The following CDH10 variants were observed in gnomAD, a reference collection of about 807,000 sequenced individuals.
CDH10 encodes the protein cadherin 10.
CDH10 carries 30 observed loss-of-function variants against 73.1 expected under a neutral mutation model. The ratio of observed to expected loss-of-function variants is 0.41; its 90% CI spans 0.31 to 0.56. The LOEUF is 0.56. CDH10 is among the 20% of genes least tolerant of loss of function. The pLI is 0.27. For missense variants in CDH10, 815 were observed against 973.7 expected, an observed-to-expected ratio of 0.84 and a Z score of 2.17; for synonymous variants, 345 against 348.2, an observed-to-expected ratio of 0.99 and a Z score of 0.10.
intron 1 of CDH10, among the ~76,000 whole-genome samples, chr5:24,634,853 T>C (rs1302020176): frequency 6.6e-6 from 1 of 151,802 alleles, no homozygotes; most frequent in Non-Finnish European, 1.5e-5. Flanking sequence ...GATATAATCC[T>C]GGATTTTTAA....
chr5:24,501,569 T>G (rs537025936), intron 8 of CDH10, among the ~76,000 whole-genome samples: 43 of 152,326 alleles, frequency 2.8e-4, no homozygotes, highest in Middle Eastern at 3.4e-3. Flanking sequence ...ATAAAGGATC[T>G]TAAAATGTAT....
rs1001227038 is a variant in CDH10 at position 24,586,843 on chromosome 5, C to CTTTTTTTTTTTTTTTTTTTTTTT, written c.231+6416_231+6417insAAAAAAAAAAAAAAAAAAAAAAA. 1.1e-4 allele frequency among the ~76,000 whole-genome samples: 11 copies of CTTTTTTTTTTTTTTTTTTTTTTT among 102,756 alleles called. 1 individual carries two copies. The highest frequency in any genetic ancestry group is 3.4e-4 in the African/African-American group (8 of 23,780). 67.4% of individuals were successfully genotyped at this position (102,756 alleles called of 152,430 possible). A position where few individuals can be genotyped will look rare whatever the true frequency, so the allele number is the denominator to read the frequency against. Reference sequence around the variant, plus strand: ...GTAAAACAATAAGATAGCCCATATTCTTTTTTTTTTTTTTTTTTTGAGCCG... The same window carrying CTTTTTTTTTTTTTTTTTTTTTTT: ...GTAAAACAATAAGATAGCCCATATTCTTTTTTTTTTTTTTTTTTTTTTTTTTTTTTTTTTTTTTTTTTGAGCCG... On this transcript the variant is annotated intron_variant, in intron 2 of 11. Transcript: ENST00000264463.
intron 2 of CDH10, among the ~76,000 whole-genome samples, chr5:24,565,963 T>C (rs986516651): frequency 6.6e-6 from 1 of 152,190 alleles, no homozygotes; most frequent in Non-Finnish European, 1.5e-5. Context: ...GATTTTGTTA[T>C]GGCAGCCCAA....
chr5:24,589,039 G>A (rs1032901), intron 2 of CDH10, among the ~76,000 whole-genome samples: 150,378 of 152,254 alleles, frequency 0.99, 74,287 homozygotes, highest in Middle Eastern at 1. Flanking sequence ...GAAACAAAAG[G>A]GCCCCATAAC....
chr5:24,551,695 A>G (rs1288066783), intron 2 of CDH10, among the ~76,000 whole-genome samples: 2 of 152,148 alleles, frequency 1.3e-5, no homozygotes, highest in African/African-American at 4.8e-5. Context: ...AGAATTCTCT[A>G]GAGATATTCA....
At chr5:24,571,157 C>G (rs1442930144) in intron 2 of CDH10, among the ~76,000 whole-genome samples, 1 of 152,088 alleles carries the variant, frequency 6.6e-6, no homozygotes, top group African/African-American at 2.4e-5. Flanking sequence ...CTCTCACAAC[C>G]AGCATCTCAG....
chr5:24,616,047 T>C (rs1467966461), intron 1 of CDH10, among the ~76,000 whole-genome samples: 6 of 152,092 alleles, frequency 3.9e-5, no homozygotes, highest in Admixed American at 3.3e-4. Flanking sequence ...GAATGTTGAC[T>C]GTAATTATTT....
At chr5:24,607,623 C>T (rs1413366721) in intron 1 of CDH10, among the ~76,000 whole-genome samples, 2 of 152,214 alleles carry the variant, frequency 1.3e-5, no homozygotes, top group Non-Finnish European at 2.9e-5. Flanking sequence ...ATATTATACA[C>T]TTTATTGTCT....
At chr5:24,526,787 C>A (rs530607864) in intron 5 of CDH10, among the ~76,000 whole-genome samples, 1 of 151,646 alleles carries the variant, frequency 6.6e-6, no homozygotes, top group Non-Finnish European at 1.5e-5. Context: ...TGATGCTGTC[C>A]GAAAAAAGAT....
chr5:24,614,131 C>G (rs1123116), intron 1 of CDH10, among the ~76,000 whole-genome samples: 2,947 of 152,216 alleles, frequency 0.019, 92 homozygotes, highest in African/African-American at 0.067. Flanking sequence ...AGTGTCATTA[C>G]ATATCTATAA....
At chr5:24,495,609 G>A (rs1742246347) in intron 9 of CDH10, among the ~76,000 whole-genome samples, 1 of 152,136 alleles carries the variant, frequency 6.6e-6, no homozygotes, top group Non-Finnish European at 1.5e-5. Context: ...AGCATTTTGG[G>A]AGGTCAAGGT....
At chr5:24,605,761 C>G (rs1032024706) in intron 1 of CDH10, among the ~76,000 whole-genome samples, 6 of 152,172 alleles carry the variant, frequency 3.9e-5, no homozygotes, top group South Asian at 2.1e-4. Context: ...AAACTTTTTA[C>G]AAATGATTAT....
At chr5:24,591,249 A>G (rs904601577) in intron 2 of CDH10, among the ~76,000 whole-genome samples, 1 of 152,054 alleles carries the variant, frequency 6.6e-6, no homozygotes, top group Non-Finnish European at 1.5e-5. Flanking sequence ...AAAATGTTAA[A>G]GCATCTATTT....
intron 5 of CDH10, among the ~76,000 whole-genome samples, chr5:24,525,079 T>C (rs1160199063): frequency 6.6e-6 from 1 of 151,938 alleles, no homozygotes; most frequent in Non-Finnish European, 1.5e-5. Flanking sequence ...ATATAATAGG[T>C]GATTTAAGAG....
chr5:24,619,345 C>A (rs1444158536), intron 1 of CDH10, among the ~76,000 whole-genome samples: 1 of 152,142 alleles, frequency 6.6e-6, no homozygotes, highest in Non-Finnish European at 1.5e-5. Context: ...AGGCACCCAC[C>A]ACCACGCCCA....
intron 11 of CDH10, among the ~76,000 whole-genome samples, chr5:24,490,008 G>A (rs1274371458): frequency 6.6e-6 from 1 of 152,030 alleles, no homozygotes; most frequent in Non-Finnish European, 1.5e-5. Flanking sequence ...TGCATAAAAT[G>A]AAAATAATAA....
intron 2 of CDH10, among the ~76,000 whole-genome samples, chr5:24,583,378 T>C (rs1006368135): frequency 6.6e-6 from 1 of 152,106 alleles, no homozygotes; most frequent in Non-Finnish European, 1.5e-5. Flanking sequence ...AGGATCAAGA[T>C]GAGAATCTTA....
intron 5 of CDH10, among the ~76,000 whole-genome samples, chr5:24,512,086 C>T (rs1051533146): frequency 1.2e-4 from 19 of 152,234 alleles, no homozygotes; most frequent in Middle Eastern, 3.4e-3. Flanking sequence ...AACAAACCCC[C>T]GTGACACAAG....
At chr5:24,513,544 T>C (rs1343360367) in intron 5 of CDH10, among the ~76,000 whole-genome samples, 1 of 152,180 alleles carries the variant, frequency 6.6e-6, no homozygotes, top group Non-Finnish European at 1.5e-5. Context: ...TTGTGTGGTT[T>C]AAGCCACCCA....
Sources: allele counts gnomAD v4.1 joint callset (sites outside exome capture counted in the v4.1 genomes callset), GRCh38; gene constraint gnomAD v4.1.1; transcripts MANE v1.5; gene names NCBI Gene and HGNC (gene_info 2026-07-23, HGNC 2026-07-21).